Variants in EIF4ENIF1 observed in about 807,000 individuals in gnomAD.
EIF4ENIF1 encodes the protein eukaryotic translation initiation factor 4E transporter.
In EIF4ENIF1, 23 loss-of-function variants were observed where a neutral mutation model predicts 110.5. The ratio of observed to expected loss-of-function variants is 0.21; its 90% confidence interval spans 0.15 to 0.29. The LOEUF (loss-of-function observed/expected upper bound fraction) is 0.29, where lower values mean the gene tolerates loss of function less well. Among genes scored for constraint, EIF4ENIF1 ranks in the 10% least tolerant of loss-of-function variants. EIF4ENIF1 has a pLI of 1.00. For missense variants in EIF4ENIF1, 1,031 were observed against 1,221.1 expected (o/e 0.84, Z 2.32); for synonymous variants, 440 against 437.0 (o/e 1.01, Z -0.09).
chr22:31,442,106 G>A lies in EIF4ENIF1; in HGVS notation c.2219C>T (p.Ser740Leu). The A allele has an allele frequency of 6.2e-7, 1 of 1,602,048 alleles. No homozygotes were observed. Among genetic ancestry groups the A allele is most frequent in the Non-Finnish European group, 8.5e-7 (1 of 1,172,248 alleles). ...TQKASEENLLSSSSVPSADRD... is the reference protein window; with the variant it reads ...TQKASEENLLLSSSVPSADRD... Reference sequence around the variant, plus strand: ...ATCGGCACTGGGTACAGAGCTGGATGACAGGAGGTTTTCTGTGAGGAACCA... The same window carrying A: ...ATCGGCACTGGGTACAGAGCTGGATAACAGGAGGTTTTCTGTGAGGAACCA... Residue 740 changes from serine to leucine, a missense_variant, in exon 17 of 19, where the codon TCA becomes TTA. Physicochemically the swap from Ser to Leu is moderately radical, Grantham distance 145 (BLOSUM62 -2). This residue lies in a region of EIF4ENIF1 where 309 missense variants were observed against 299.1 expected (regional missense o/e 1.03). Transcript: ENST00000330125.
At chr22:31,442,873 G>C in intron 16 of EIF4ENIF1, 89 bp downstream of exon 16, 4 of 1,532,044 alleles carry the variant, frequency 2.6e-6, no homozygotes, top group Non-Finnish European at 2.6e-6. Context: ...CCAGGGCTTT[G>C]TATAGAATAT....
At chr22:31,462,096 T>G (rs973258183) in intron 6 of EIF4ENIF1, among the ~76,000 whole-genome samples, 27 of 152,188 alleles carry the variant, frequency 1.8e-4, no homozygotes, top group African/African-American at 5.8e-4. Flanking sequence ...TACACAGTCC[T>G]CTTACAGGAT....
upstream of EIF4ENIF1, among the ~76,000 whole-genome samples, chr22:31,493,025 C>T (rs5998009): frequency 2.4e-4 from 36 of 150,828 alleles, no homozygotes; most frequent in African/African-American, 5.1e-4. Context: ...CTACCACGCC[C>T]GGCCTGATAA....
chr22:31,454,866 G>A (rs1270519016), intron 9 of EIF4ENIF1, among the ~76,000 whole-genome samples: 4 of 151,974 alleles, frequency 2.6e-5, no homozygotes, highest in African/African-American at 7.2e-5. Flanking sequence ...AACATTCACT[G>A]GAGTTTGTTT....
At chr22:31,483,209 CTT>C (rs60986284) in intron 2 of EIF4ENIF1, among the ~76,000 whole-genome samples, 181 of 89,452 alleles carry the variant, frequency 2.0e-3, no homozygotes, top group African/African-American at 6.8e-3. Flanking sequence ...AGGAGACGAT[CTT>C]TTTTTTTTTT....
chr22:31,470,715 C>A (rs1397308149), intron 3 of EIF4ENIF1, among the ~76,000 whole-genome samples: 2 of 126,342 alleles, frequency 1.6e-5, no homozygotes, highest in Admixed American at 9.1e-5. Context: ...GAGATAGGAT[C>A]TCTGTTGCTC....
At chr22:31,460,615 C>A (rs901689365) in intron 6 of EIF4ENIF1, among the ~76,000 whole-genome samples, 1 of 145,826 alleles carries the variant, frequency 6.9e-6, no homozygotes, top group East Asian at 2.1e-4. Flanking sequence ...GGTGACAGAG[C>A]GAGACTCCGT....
chr22:31,452,333 TG>T (rs1169945891), intron 10 of EIF4ENIF1, among the ~76,000 whole-genome samples: 1 of 152,268 alleles, frequency 6.6e-6, no homozygotes, highest in Admixed American at 6.5e-5. Flanking sequence ...CTTTCCTTGT[TG>T]TATTCTTTCC....
At chr22:31,446,978 G>A in intron 14 of EIF4ENIF1, 2 of 468,624 alleles carry the variant, frequency 4.3e-6, no homozygotes, top group Admixed American at 2.4e-5. Flanking sequence ...TAGCAAACCT[G>A]CATCAAGGGA....
At chr22:31,450,111 A>G (rs1232381938) in intron 11 of EIF4ENIF1, among the ~76,000 whole-genome samples, 178 bp downstream of exon 11, 1 of 152,098 alleles carries the variant, frequency 6.6e-6, no homozygotes, top group Admixed American at 6.6e-5. Context: ...GCCATCCCCT[A>G]TCCCCTGCCC....
chr22:31,455,087 A>T, intron 9 of EIF4ENIF1, 49 bp downstream of exon 9: 1 of 1,489,382 alleles, frequency 6.7e-7, no homozygotes, highest in Non-Finnish European at 9.0e-7. Context: ...TGAAGACTGA[A>T]CATCTAGACC....
chr22:31,466,420 GGA>G (rs1232953417), intron 4 of EIF4ENIF1, among the ~76,000 whole-genome samples: 12 of 137,584 alleles, frequency 8.7e-5, no homozygotes, highest in African/African-American at 2.7e-4. Context: ...CTCGGTGGGG[GGA>G]AAAAAAAATT....
chr22:31,483,599 C>T (rs1190621666), intron 2 of EIF4ENIF1, among the ~76,000 whole-genome samples: 1 of 152,062 alleles, frequency 6.6e-6, no homozygotes, highest in Non-Finnish European at 1.5e-5. Context: ...AAGCTCTACT[C>T]CCCAAGTTTC....
chr22:31,439,919 G>A lies in EIF4ENIF1; in HGVS notation c.2919C>T (p.Ala973=). The A allele has an allele frequency of 6.2e-7, 1 of 1,614,056 alleles. No homozygotes were observed. The highest frequency in any genetic ancestry group is 8.5e-7 in the Non-Finnish European group (1 of 1,180,040). ...VLQQPLPSMP[A]KVISVDELEY... is the part of the protein sequence containing the mutation. ...CCAATTCATCTACACTGATAACTTT[G>A]GCGGGCATGGAGGGCAGGGGTTGCT... The change falls in exon 19 of 19, where the codon GCC becomes GCT. Residue 973 remains alanine (A), a synonymous_variant. Coordinates refer to ENST00000330125, the MANE Select transcript of EIF4ENIF1 (RefSeq NM_019843.4).
intron 14 of EIF4ENIF1, among the ~76,000 whole-genome samples, chr22:31,446,755 T>C (rs893662291): frequency 6.6e-6 from 1 of 152,214 alleles, no homozygotes; most frequent in Non-Finnish European, 1.5e-5. Context: ...GTTTGCCTTA[T>C]AATAAGCTAC....
chr22:31,470,342 G>A (rs932727133), intron 3 of EIF4ENIF1, among the ~76,000 whole-genome samples: 13 of 151,234 alleles, frequency 8.6e-5, no homozygotes, highest in Middle Eastern at 3.2e-3. Context: ...GTGCAATGGC[G>A]CAGTCTAGGA....
intron 3 of EIF4ENIF1, among the ~76,000 whole-genome samples, chr22:31,470,249 T>C (rs1022588891): frequency 3.8e-3 from 10 of 2,666 alleles, no homozygotes; most frequent in East Asian, 0.12. Context: ...CATCAGGGAA[T>C]GTGGTATGAG....
At chr22:31,452,723 TCATTTGAAAG>T (rs1457502963) in intron 10 of EIF4ENIF1, among the ~76,000 whole-genome samples, 4 of 152,346 alleles carry the variant, frequency 2.6e-5, no homozygotes, top group African/African-American at 9.6e-5. Context: ...AGTCTGATCT[TCATTTGAAAG>T]CATTTGTATC....
Position 31,468,201 on chromosome 22 carries a change from C to T in EIF4ENIF1, c.272G>A (p.Arg91Gln), listed in dbSNP as rs989411067. 21 of 1,614,104 alleles carry T rather than the reference C, an allele frequency of 1.3e-5. No homozygotes were observed. Among genetic ancestry groups the T allele is most frequent in the Non-Finnish European group, 1.7e-5 (20 of 1,179,998 alleles). Residue 91 changes from arginine to glutamine, a missense_variant, in exon 4 of 19, where the codon CGG becomes CAG. By Grantham distance (43) the Arg-to-Gln change is conservative (BLOSUM62 1). Coordinates refer to ENST00000330125, the MANE Select transcript of EIF4ENIF1 (RefSeq NM_019843.4). Reference sequence around the variant, plus strand: ...TACTATCCTGCGCACCAGGGAAGGCCGGTCTGTATCCAACTCTTTCTTCAG... The same window carrying T: ...TACTATCCTGCGCACCAGGGAAGGCTGGTCTGTATCCAACTCTTTCTTCAG... ...ESLKKELDTD[R>Q]PSLVRRIVDP...
Sources: allele counts gnomAD v4.1 joint callset (sites outside exome capture counted in the v4.1 genomes callset), GRCh38; gene constraint gnomAD v4.1.1; regional missense constraint gnomAD v4.1.1; transcripts MANE v1.5; gene names NCBI Gene and HGNC (gene_info 2026-07-23, HGNC 2026-07-21).